HECTD4: variants seen among roughly 807,000 people sequenced by gnomAD.
HECTD4 encodes the protein HECT domain E3 ubiquitin protein ligase 4.
A neutral mutation model predicts 471.5 loss-of-function variants in HECTD4; 114 were observed. The observed-to-expected ratio is 0.24, with a 90% CI of 0.21 to 0.28. HECTD4 has a LOEUF of 0.28. Ranked by LOEUF, HECTD4 falls within the 10% of genes least tolerant of loss-of-function variation. HECTD4 has a pLI of 1.00. For missense variants in HECTD4, 3,866 were observed against 5,651.5 expected (o/e 0.68, Z 10.13); for synonymous variants, 2,012 against 2,256.0 (o/e 0.89, Z 3.07).
intron 32 of HECTD4, 23 bp from the exon 33 acceptor site, chr12:112,240,050 C>T (rs1485661409): frequency 1.2e-6 from 2 of 1,612,468 alleles, no homozygotes; most frequent in Admixed American, 1.7e-5. Context: ...AACCAAAGCT[C>T]AGGCTTCCTG....
chr12:112,205,026 G>A (rs1206693135), intron 52 of HECTD4, among the ~76,000 whole-genome samples: 1 of 151,594 alleles, frequency 6.6e-6, no homozygotes, highest in Non-Finnish European at 1.5e-5. Flanking sequence ...CCAGCTACTC[G>A]GGAGGTTGAG....
intron 52 of HECTD4, 32 bp from the exon 53 acceptor site, chr12:112,204,655 CAA>C (rs765646043): frequency 1.3e-6 from 2 of 1,573,310 alleles, no homozygotes; most frequent in South Asian, 1.1e-5. Flanking sequence ...GGTAACTCCC[CAA>C]AGAGTACACA....
rs138656720 is a variant in HECTD4 at position 112,265,446 on chromosome 12, T to C, written c.2499-151A>G. 1.6e-4 allele frequency among the ~76,000 whole-genome samples: 24 copies of C among 152,358 alleles called. No individual in the cohort carries two copies. In the East Asian group the frequency reaches 4.2e-3, roughly 27 times the overall value. On this transcript the variant is annotated intron_variant, in intron 15 of 75. Coordinates refer to ENST00000682272, the MANE Select transcript of HECTD4 (RefSeq NM_001388303.1). ...TAGTAATAATGCTAACAACTAGGTA[T>C]ATTATTTAAATCAAACTTATAGAAA...
chr12:112,270,428 G>T lies in HECTD4; in HGVS notation c.1974C>A (p.Asn658Lys), dbSNP rs2034390681. 1 of 1,613,864 alleles carries T rather than the reference G, an allele frequency of 6.2e-7. No individual in the cohort carries two copies. Among genetic ancestry groups the T allele is most frequent in the African/African-American group, 1.3e-5 (1 of 74,922 alleles). Residue 658 changes from asparagine to lysine, a missense_variant, in exon 12 of 76, where the codon AAC (asparagine) becomes AAA (lysine). By Grantham distance (94) the Asn-to-Lys change is moderately conservative. Around this residue, in one of 16 missense-constraint regions of HECTD4, gnomAD observed 525 missense variants for 672.6 expected, o/e 0.78. Coordinates refer to ENST00000682272, the MANE Select transcript of HECTD4 (RefSeq NM_001388303.1). ...EEAITTNEVINQLLHHVGAMC... is the reference protein window; with the variant it reads ...EEAITTNEVIKQLLHHVGAMC... ...TCGCACCAACGTGGTGCAATAATTG[G>T]TTTATAACCTCATTCGTGGTTATAG...
chr12:112,288,568 G>C (rs2135651724), intron 7 of HECTD4, among the ~76,000 whole-genome samples: 1 of 152,272 alleles, frequency 6.6e-6, no homozygotes, highest in East Asian at 1.9e-4. Flanking sequence ...TTTGCAGTGA[G>C]TGAGCAGAGA....
intron 4 of HECTD4, among the ~76,000 whole-genome samples, chr12:112,312,175 C>T (rs891570731): frequency 2.0e-5 from 3 of 152,204 alleles, no homozygotes; most frequent in South Asian, 2.1e-4. Flanking sequence ...AGACTCACTT[C>T]GTGGAGTTTT....
rs2033870614 is a variant in HECTD4, at chr12:112,251,002, G to C, written c.3685C>G (p.Gln1229Glu). Residue 1229 changes from glutamine (Q) to glutamate (E), a missense_variant, in exon 24 of 76, where the codon CAG becomes GAG. Around this residue, in one of 16 missense-constraint regions of HECTD4, gnomAD observed 281 missense variants for 499.9 expected, o/e 0.56. Transcript: ENST00000682272. ...PEITKEEEAC[Q>E]ELLRSKLLQR... ...AAAAGTTTGGACCGCAATAGCTCCT[G>C]ACAGGCTTCTTCTTCTTTGGTAATT... 1 of 1,613,374 alleles carries C rather than the reference G, an allele frequency of 6.2e-7. No individual in the cohort carries two copies. Among genetic ancestry groups the C allele is most frequent in the Admixed American group, 1.7e-5 (1 of 59,874 alleles).
intron 55 of HECTD4, among the ~76,000 whole-genome samples, chr12:112,196,276 C>T (rs1252988716): frequency 6.6e-6 from 1 of 152,062 alleles, no homozygotes; most frequent in South Asian, 2.1e-4. Flanking sequence ...AGAAACAACC[C>T]CATATGGAAC....
intron 7 of HECTD4, chr12:112,301,887 C>G: frequency 9.9e-7 from 1 of 1,014,630 alleles, no homozygotes; most frequent in Non-Finnish European, 1.5e-6. Context: ...AGTTTAGTGG[C>G]AAGTTCTTTA....
chr12:112,366,893 A>G lies in HECTD4; in HGVS notation c.177+15059T>C, dbSNP rs562209688. 3.9e-3 allele frequency among the ~76,000 whole-genome samples: 587 copies of G among 151,202 alleles called. 4 individuals are homozygous for G. The highest frequency in any genetic ancestry group is 0.014 in the Middle Eastern group (4 of 292). ...GAAACTCTGTCTCAAAAAAAAAAAA[A>G]AAAGAAAGAAAAAGAAAAAGAAAAA... On this transcript the variant is annotated intron_variant, in intron 1 of 75. Coordinates refer to ENST00000682272, the MANE Select transcript of HECTD4 (RefSeq NM_001388303.1).
intron 1 of HECTD4, among the ~76,000 whole-genome samples, chr12:112,327,882 T>C (rs2035776903): frequency 6.6e-6 from 1 of 152,188 alleles, no homozygotes; most frequent in Non-Finnish European, 1.5e-5. Flanking sequence ...ACCCTGCAGA[T>C]ATTGGGAACT....
At chr12:112,324,699 A>C (rs534910896) in intron 1 of HECTD4, among the ~76,000 whole-genome samples, 1 of 152,266 alleles carries the variant, frequency 6.6e-6, no homozygotes, top group African/African-American at 2.4e-5. Flanking sequence ...ACCCCCAAAA[A>C]TCAGTAACCA....
At chr12:112,297,959 A>G (rs2035076986) in intron 7 of HECTD4, among the ~76,000 whole-genome samples, 1 of 152,160 alleles carries the variant, frequency 6.6e-6, no homozygotes, top group Non-Finnish European at 1.5e-5. Flanking sequence ...AGCAAGTAGA[A>G]GTATCATGGG....
chr12:112,347,903 T>C (rs2036185599), intron 1 of HECTD4, among the ~76,000 whole-genome samples: 3 of 152,220 alleles, frequency 2.0e-5, no homozygotes, highest in African/African-American at 7.2e-5. Context: ...GGATGACGTG[T>C]AACAGGACAA....
chr12:112,244,307 TA>T (rs1374800005), intron 29 of HECTD4, among the ~76,000 whole-genome samples: 3 of 152,316 alleles, frequency 2.0e-5, no homozygotes, highest in African/African-American at 7.2e-5. Context: ...GTAAGCATTC[TA>T]AAAAGCAATG....
Position 112,382,084 on chromosome 12 carries a change from A to C in HECTD4, c.45T>G (p.Ala15=). 8 of 1,227,638 alleles carry C rather than the reference A, an allele frequency of 6.5e-6. No individual in the cohort carries two copies. The highest frequency in any genetic ancestry group is 8.1e-6 in the Non-Finnish European group (8 of 986,276). 76.0% of individuals were successfully genotyped at this position (1,227,638 alleles called of 1,614,324 possible). A position where few individuals can be genotyped will look rare whatever the true frequency, so the allele number is the denominator to read the frequency against. ...TCACCGAGAGCCACTGCGCCGAGTC[A>C]GCGGCCGCCGCCGCCGCCGCCGCCG... ...AAAAAAAAAA[A]DSAQWLSVKE... is the part of the protein sequence containing the mutation. Residue 15 remains alanine (A), a synonymous_variant, in exon 1 of 76, where the codon GCT becomes GCG. Coordinates refer to ENST00000682272, the MANE Select transcript of HECTD4 (RefSeq NM_001388303.1).
At chr12:112,346,949 G>A (rs1352844258) in intron 1 of HECTD4, among the ~76,000 whole-genome samples, 1 of 152,048 alleles carries the variant, frequency 6.6e-6, no homozygotes, top group East Asian at 1.9e-4. Flanking sequence ...GGTGCCCAAG[G>A]CAAATTGGAG....
Position 112,213,622 on chromosome 12 carries a change from G to C in HECTD4, c.7466-972C>G, listed in dbSNP as rs757248953. On this transcript the variant is annotated intron_variant, in intron 48 of 75. Coordinates refer to ENST00000682272, the MANE Select transcript of HECTD4 (RefSeq NM_001388303.1). This position sits in a 1 kb window ranked among gnomAD's most constrained non-coding sequence, Gnocchi z 4.0. ...AATGGCGTGAACCCGGGAGGCGGAG[G>C]TTGCAGTGAGCCAAGATTGTGCCAC... 5.9e-5 allele frequency among the ~76,000 whole-genome samples: 9 copies of C among 151,400 alleles called. No individual in the cohort carries two copies. The highest frequency in any genetic ancestry group is 8.8e-5 in the Non-Finnish European group (6 of 67,916).
chr12:112,166,010 A>C lies in HECTD4; in HGVS notation c.12534+1307T>G, dbSNP rs1301051139. On this transcript the variant is annotated intron_variant, in intron 72 of 75. Coordinates refer to ENST00000682272, the MANE Select transcript of HECTD4 (RefSeq NM_001388303.1). This position sits in a 1 kb window ranked among gnomAD's most constrained non-coding sequence, Gnocchi z 4.6. ...AGCACTTCTTCCTAGTATGCACCCC[A>C]CAACACCATGTGGTTCTGCATCCCA... Among the ~76,000 whole-genome samples, 1 of 152,092 alleles carries C rather than the reference A, an allele frequency of 6.6e-6. No homozygotes were observed. Among genetic ancestry groups the C allele is most frequent in the Non-Finnish European group, 1.5e-5 (1 of 68,000 alleles).
Sources: gnomAD v4.1 joint callset for allele counts (sites outside exome capture counted in the v4.1 genomes callset) on GRCh38, gnomAD v4.1.1 for gene constraint, gnomAD v4.1.1 regional missense constraint, Gnocchi (gnomAD v3.1) non-coding constraint, MANE v1.5 for transcripts, NCBI Gene and HGNC (gene_info 2026-07-23, HGNC 2026-07-21) for gene names.